RYR1: variants seen among roughly 807,000 people sequenced by gnomAD.
The protein encoded by RYR1 is central core disease of muscle.
RYR1 carries 342 observed loss-of-function variants against 583.5 expected under a neutral mutation model. The observed-to-expected ratio is 0.59, with a 90% confidence interval of 0.54 to 0.64. The LOEUF (loss-of-function observed/expected upper bound fraction) is 0.64. RYR1 is among the 30% of genes least tolerant of loss of function. The probability of loss-of-function intolerance (pLI) is 0.00; values close to 1 mark genes in which losing one functional copy is unlikely to be tolerated. For synonymous variants in RYR1, 2,791 were observed against 2,822.5 expected, an observed-to-expected ratio of 0.99 and a Z score of 0.35; for missense variants, 6,032 against 6,917.2, an observed-to-expected ratio of 0.87 and a Z score of 4.54.
chr19:38,497,090 T>A, intron 42 of RYR1, 136 bp downstream of exon 42: 1 of 734,856 alleles, frequency 1.4e-6, no homozygotes, highest in Non-Finnish European at 2.4e-6. Flanking sequence ...AGAAGGAGAC[T>A]AATTTGCAGG....
At chr19:38,547,205 ATT>A (rs1204178433) in intron 88 of RYR1, among the ~76,000 whole-genome samples, 17 of 123,608 alleles carry the variant, frequency 1.4e-4, no homozygotes, top group Non-Finnish European at 1.9e-4. Flanking sequence ...CACCTGGCTA[ATT>A]TTTTTTTTTT....
At chr19:38,563,789 T>C (rs1165265643) in intron 90 of RYR1, among the ~76,000 whole-genome samples, 1 of 152,252 alleles carries the variant, frequency 6.6e-6, no homozygotes, top group Non-Finnish European at 1.5e-5. Context: ...CTTTAAGCAC[T>C]ATGCTCCTCC....
intron 83 of RYR1, among the ~76,000 whole-genome samples, chr19:38,537,422 A>G (rs1180490052): frequency 6.6e-6 from 1 of 152,008 alleles, no homozygotes; most frequent in Non-Finnish European, 1.5e-5. Context: ...GCTGGCTTTC[A>G]ATCCCCATCC....
intron 67 of RYR1, among the ~76,000 whole-genome samples, 175 bp downstream of exon 67, chr19:38,519,629 G>C (rs1177244684): frequency 2.0e-5 from 3 of 152,114 alleles, no homozygotes; most frequent in Admixed American, 6.6e-5. Flanking sequence ...TCCAACGACA[G>C]CCAGCCCACT....
chr19:38,583,403 C>T lies in RYR1; in HGVS notation c.14647-1540C>T, dbSNP rs563719496. Among the ~76,000 whole-genome samples the T allele has an allele frequency of 3.3e-5, 5 of 151,208 alleles. No homozygotes were observed. The South Asian group carries it at 8.4e-4, about 25-fold the overall frequency. Reference sequence around the variant, plus strand: ...CTGAGGCAGGAGAATCTCTTGAACTCGGTGGTGGAGGTCGCAGTGAGCCAA... The same window carrying T: ...CTGAGGCAGGAGAATCTCTTGAACTTGGTGGTGGAGGTCGCAGTGAGCCAA... On this transcript the variant is annotated intron_variant, in intron 101 of 105. Coordinates refer to ENST00000359596, the MANE Select transcript of RYR1 (RefSeq NM_000540.3).
intron 11 of RYR1, among the ~76,000 whole-genome samples, 194 bp from the exon 12 acceptor site, chr19:38,451,568 GAC>G (rs1372091779): frequency 6.6e-6 from 1 of 152,114 alleles, no homozygotes; most frequent in Non-Finnish European, 1.5e-5. Context: ...GACAGAGAGA[GAC>G]AGAGAGGAGA....
chr19:38,462,205 A>G (rs1967791069), intron 20 of RYR1, among the ~76,000 whole-genome samples: 1 of 152,162 alleles, frequency 6.6e-6, no homozygotes, highest in African/African-American at 2.4e-5. Context: ...CCTGAGCCTC[A>G]GTTTGTTCCT....
In RYR1 at chr19:38,566,898, G is replaced by T; in HGVS notation, c.13438-13G>T. The T allele has an allele frequency of 1.9e-6, 3 of 1,600,620 alleles. No homozygotes were observed. The highest frequency in any genetic ancestry group is 2.7e-5 in the African/African-American group (2 of 74,886). ...GGGTGAGGACTCAGCCCTGATGCTT[G>T]CCCTGTCCCTAGGTGGATGGAGTGG... On this transcript the variant is annotated splice_polypyrimidine_tract_variant and intron_variant, in intron 91 of 105. Transcript: ENST00000359596.
At chr19:38,458,443 C>T (rs1967543170) in intron 18 of RYR1, 151 bp downstream of exon 18, 3 of 770,360 alleles carry the variant, frequency 3.9e-6, no homozygotes, top group South Asian at 3.3e-5. Context: ...AGACCCTAAC[C>T]CCAGAGCTTC....
chr19:38,465,693 G>A (rs1300502170), intron 23 of RYR1, among the ~76,000 whole-genome samples: 1 of 152,112 alleles, frequency 6.6e-6, no homozygotes, highest in Non-Finnish European at 1.5e-5. Context: ...GAACCCAGGA[G>A]GTGGAGGTTG....
At position 38,587,364 on chromosome 19, in the gene RYR1, G is replaced by T. The variant is rs779358618; in HGVS notation, c.15061G>T (p.Asp5021Tyr). ...VWKMYQERCW[D>Y]FFPAGDCFRK... ...GAAGATGTACCAAGAGAGATGTTGG[G>T]ATTTCTTCCCAGCTGGTGATTGTTT... is the stretch of plus-strand genomic sequence containing the variant. The change falls in exon 106 of 106, where the codon GAT becomes TAT. Residue 5021 changes from aspartate to tyrosine, a missense_variant. This residue lies in a region of RYR1 where 189 missense variants were observed against 350.3 expected (regional missense o/e 0.54). Coordinates refer to ENST00000359596, the MANE Select transcript of RYR1 (RefSeq NM_000540.3). 5.0e-6 allele frequency: 8 copies of T among 1,614,026 alleles called. No homozygotes were observed. The highest frequency in any genetic ancestry group is 1.3e-5 in the African/African-American group (1 of 74,982).
At chr19:38,501,212 A>ATT (rs1011677404) in intron 47 of RYR1, among the ~76,000 whole-genome samples, 11 of 152,214 alleles carry the variant, frequency 7.2e-5, no homozygotes, top group Admixed American at 7.2e-4. Context: ...AGAAATCATC[A>ATT]TTTGAGGTCA....
Position 38,532,485 on chromosome 19 carries a change from C to T in RYR1, c.11142-5C>T, listed in dbSNP as rs1463255883. On this transcript the variant is annotated splice_region_variant and splice_polypyrimidine_tract_variant and intron_variant, in intron 76 of 105. Transcript: ENST00000359596. ...TCCTGACCACTCCCCTGCTTACTTCCCCAGCAAACTGGATGAGGATTACCT... is the reference window on the plus strand; with the variant it reads ...TCCTGACCACTCCCCTGCTTACTTCTCCAGCAAACTGGATGAGGATTACCT... The T allele has an allele frequency of 1.9e-6, 3 of 1,613,974 alleles. No homozygotes were observed. Among genetic ancestry groups the T allele is most frequent in the East Asian group, 2.2e-5 (1 of 44,882 alleles).
chr19:38,508,453 C>T (rs1970580471), intron 58 of RYR1, among the ~76,000 whole-genome samples: 1 of 152,194 alleles, frequency 6.6e-6, no homozygotes, highest in Non-Finnish European at 1.5e-5. Flanking sequence ...ACCTCGTGAT[C>T]TGCCGCCTCG....
chr19:38,439,570 G>T (rs768557788), intron 1 of RYR1, among the ~76,000 whole-genome samples: 22 of 152,106 alleles, frequency 1.4e-4, no homozygotes, highest in Non-Finnish European at 2.8e-4. Flanking sequence ...GCAATGGCTC[G>T]ATCTCAGCTC....
intron 75 of RYR1, 57 bp from the exon 76 acceptor site, chr19:38,528,894 G>A: frequency 6.4e-7 from 1 of 1,566,680 alleles, no homozygotes; most frequent in Admixed American, 1.7e-5. Context: ...GGACATGGGG[G>A]CAGTGACAGG....
At position 38,502,708 on chromosome 19, in the gene RYR1, T is replaced by A. The variant is rs748575133; in HGVS notation, c.7816T>A (p.Cys2606Ser). The A allele has an allele frequency of 1.8e-5, 28 of 1,571,832 alleles. No homozygotes were observed. Among genetic ancestry groups the A allele is most frequent in the Non-Finnish European group, 2.4e-5 (28 of 1,160,618 alleles). ...TKAQRDVIEDCLMSLCRYIRP... is the reference protein window; with the variant it reads ...TKAQRDVIEDSLMSLCRYIRP... ...GGCGCAGCGTGACGTCATCGAGGAC[T>A]GCCTCATGTCGCTCTGCAGGTGGAG... Residue 2606 changes from cysteine (C) to serine (S), a missense_variant, in exon 48 of 106, where the codon TGC becomes AGC. By Grantham distance (112) the Cys-to-Ser change is moderately radical. Around this residue, in one of 11 missense-constraint regions of RYR1, gnomAD observed 250 missense variants for 162.3 expected, o/e 1.54. Coordinates refer to ENST00000359596, the MANE Select transcript of RYR1 (RefSeq NM_000540.3).
intron 89 of RYR1, among the ~76,000 whole-genome samples, chr19:38,549,990 A>C (rs1205333008): frequency 6.6e-6 from 1 of 150,782 alleles, no homozygotes; most frequent in Non-Finnish European, 1.5e-5. Context: ...TCCTGGCCTC[A>C]AGTGATCTGC....
chr19:38,517,209 G>T, intron 65 of RYR1, 150 bp from the exon 66 acceptor site: 1 of 820,216 alleles, frequency 1.2e-6, no homozygotes, highest in Non-Finnish European at 2.0e-6. Context: ...AGGTAGTTGG[G>T]TTGGAGGGTG....
Sources: allele counts gnomAD v4.1 joint callset (sites outside exome capture counted in the v4.1 genomes callset), GRCh38; gene constraint gnomAD v4.1.1; regional missense constraint gnomAD v4.1.1; transcripts MANE v1.5; gene names NCBI Gene and HGNC (gene_info 2026-07-23, HGNC 2026-07-21).